Variants in SPICE1 observed in about 807,000 individuals in gnomAD.
SPICE1 encodes spindle and centriole associated protein 1.
Under a neutral mutation model 102.7 loss-of-function variants are expected in SPICE1, and 75 were observed. The ratio of observed to expected loss-of-function variants is 0.73; its 90% CI spans 0.61 to 0.88. The LOEUF is 0.88. Ranked by LOEUF, SPICE1 falls within the 40% of genes least tolerant of loss-of-function variation. The pLI is 0.00. For synonymous variants in SPICE1, 308 were observed against 350.3 expected (o/e 0.88, Z 1.35); for missense variants, 979 against 1,020.1 (o/e 0.96, Z 0.55).
chr3:113,505,224 C>T (rs1186891908), intron 2 of SPICE1, among the ~76,000 whole-genome samples: 1 of 152,104 alleles, frequency 6.6e-6, no homozygotes, highest in African/African-American at 2.4e-5. Flanking sequence ...CGTAAATGAA[C>T]CCGTGCAGCT....
rs999118160 is a variant in SPICE1 at position 113,443,566 on chromosome 3, A to G, written c.*1741T>C. The G allele has an allele frequency of 1.3e-5, 2 of 152,248 alleles. No individual in the cohort carries two copies. Among genetic ancestry groups the G allele is most frequent in the Non-Finnish European group, 2.9e-5 (2 of 68,040 alleles). 9.4% of individuals were successfully genotyped at this position (152,248 alleles called of 1,614,324 possible). A position where few individuals can be genotyped will look rare whatever the true frequency, so the allele number is the denominator to read the frequency against. ...TGAGATAATGGTGATACCACAGCTTATAGTACGGTGTCTGCCACAGTAATG... is the reference window on the plus strand; with the variant it reads ...TGAGATAATGGTGATACCACAGCTTGTAGTACGGTGTCTGCCACAGTAATG... On this transcript the variant is annotated 3_prime_UTR_variant, in exon 18 of 18. Transcript: ENST00000295872.
At chr3:113,467,882 T>C (rs1385917150) in intron 10 of SPICE1, among the ~76,000 whole-genome samples, 1 of 146,644 alleles carries the variant, frequency 6.8e-6, no homozygotes, top group Non-Finnish European at 1.6e-5. Flanking sequence ...ATTATATTAA[T>C]GGCAGATTTA....
chr3:113,476,832 C>A (rs1209047634), intron 7 of SPICE1, among the ~76,000 whole-genome samples: 1 of 149,798 alleles, frequency 6.7e-6, no homozygotes, highest in Non-Finnish European at 1.5e-5. Flanking sequence ...CATAAAAACC[C>A]TAGAAGAAAA....
At chr3:113,482,133 G>A (rs1323617032) in intron 7 of SPICE1, among the ~76,000 whole-genome samples, 1 of 152,184 alleles carries the variant, frequency 6.6e-6, no homozygotes, top group Non-Finnish European at 1.5e-5. Flanking sequence ...GTATCTCATT[G>A]TGGTTTTGAT....
chr3:113,448,136 T>G lies in SPICE1; in HGVS notation c.2328A>C (p.Gly776=). The stretch of plus-strand genomic sequence containing the variant: ...TAGATACCTCAATTGTCCTCTTTGC[T>G]CCTTCTAAAATATAAAAATAAATAT... ...VQLPLRAWTE[G]AKRTIEVSIP... Residue 776 remains glycine, a synonymous_variant, in exon 16 of 18, where the codon GGA becomes GGC. Coordinates refer to ENST00000295872, the MANE Select transcript of SPICE1 (RefSeq NM_144718.4). 6.2e-7 allele frequency: 1 copy of G among 1,600,834 alleles called. No homozygotes were observed. The highest frequency in any genetic ancestry group is 8.5e-7 in the Non-Finnish European group (1 of 1,174,170).
intron 10 of SPICE1, 132 bp from the exon 11 acceptor site, chr3:113,465,916 T>G (rs1936045435): frequency 1.3e-6 from 1 of 779,294 alleles, no homozygotes; most frequent in African/African-American, 1.8e-5. Flanking sequence ...TGAAGAGTTT[T>G]ATTAAAAGGT....
At chr3:113,493,073 A>G in intron 6 of SPICE1, 133 bp downstream of exon 6, 1 of 623,222 alleles carries the variant, frequency 1.6e-6, no homozygotes, top group Non-Finnish European at 2.7e-6. Context: ...AGTGCAATAC[A>G]CTTAAGAGCA....
intron 7 of SPICE1, among the ~76,000 whole-genome samples, chr3:113,480,803 G>A (rs995330111): frequency 5.3e-5 from 8 of 151,876 alleles, no homozygotes; most frequent in South Asian, 2.1e-4. Flanking sequence ...GTGAGAGGCT[G>A]AGGTGAGAGG....
At chr3:113,491,292 G>A (rs969258328) in intron 6 of SPICE1, among the ~76,000 whole-genome samples, 3 of 143,290 alleles carry the variant, frequency 2.1e-5, no homozygotes, top group Non-Finnish European at 4.6e-5. Flanking sequence ...CTTAAGTAAT[G>A]CAGTTACAAT....
At chr3:113,460,843 G>A (rs574890671) in intron 11 of SPICE1, 79 bp from the exon 12 acceptor site, 2 of 1,296,628 alleles carry the variant, frequency 1.5e-6, no homozygotes, top group Admixed American at 2.4e-5. Context: ...ACCACACAAA[G>A]GATACGTGTG....
chr3:113,449,687 G>A (rs1935599559), intron 15 of SPICE1: 1 of 152,282 alleles, frequency 6.6e-6, no homozygotes, highest in African/African-American at 2.4e-5. Flanking sequence ...ACTGGTACAT[G>A]GAGCTTTTTC....
chr3:113,478,955 A>G (rs1936425586), intron 7 of SPICE1, among the ~76,000 whole-genome samples: 1 of 152,008 alleles, frequency 6.6e-6, no homozygotes, highest in African/African-American at 2.4e-5. Flanking sequence ...TTTTTTTTAA[A>G]TCTTCTATTA....
intron 12 of SPICE1, among the ~76,000 whole-genome samples, chr3:113,459,152 C>G (rs922776892): frequency 1.3e-5 from 2 of 152,166 alleles, no homozygotes; most frequent in Non-Finnish European, 2.9e-5. Flanking sequence ...CGTGCTGTGT[C>G]CACTAAGGGT....
Position 113,450,414 on chromosome 3 carries a change from T to G in SPICE1, c.2245A>C (p.Ile749Leu), listed in dbSNP as rs531774888. The G allele has an allele frequency of 5.0e-6, 8 of 1,614,072 alleles. No homozygotes were observed. The East Asian group carries it at 1.8e-4, about 36-fold the overall frequency. The part of the protein sequence containing the change: ...MEARGKLLQL[I>L]EQQKLVGLNL... ...AAACCAACAAGTTTCTGCTGCTCTA[T>G]CAACTGCAGTAGTTTTCCACGAGCC... Residue 749 changes from isoleucine to leucine, a missense_variant, in exon 15 of 18, where the codon ATA becomes CTA. Ile to Leu is a conservative substitution (Grantham distance 5). Coordinates refer to ENST00000295872, the MANE Select transcript of SPICE1 (RefSeq NM_144718.4).
intron 3 of SPICE1, among the ~76,000 whole-genome samples, chr3:113,501,439 TC>T (rs1422757811): frequency 6.6e-6 from 1 of 151,918 alleles, no homozygotes; most frequent in Non-Finnish European, 1.5e-5. Flanking sequence ...ATTAAAAACT[TC>T]CCTGCTTAAA....
chr3:113,459,819 T>G (rs1051388313), intron 12 of SPICE1: 6 of 935,332 alleles, frequency 6.4e-6, no homozygotes, highest in Non-Finnish European at 7.6e-6. Flanking sequence ...AAGGCGGAGG[T>G]TGCAGTAAGC....
chr3:113,513,412 T>C (rs1937257555), intron 1 of SPICE1, among the ~76,000 whole-genome samples: 1 of 151,994 alleles, frequency 6.6e-6, no homozygotes, highest in South Asian at 2.1e-4. Context: ...CTCTGTCTCT[T>C]AAAATAAACA....
At position 113,443,126 on chromosome 3, in the gene SPICE1, G is replaced by A. The variant is rs1935426629; in HGVS notation, c.*2181C>T. 1 of 152,178 alleles carries A rather than the reference G, an allele frequency of 6.6e-6. No homozygotes were observed. The highest frequency in any genetic ancestry group is 6.5e-5 in the Admixed American group (1 of 15,282). The allele number at this position is 152,178 out of a possible 1,614,324, so 9.4% of individuals were successfully genotyped here. A position where few individuals can be genotyped will look rare whatever the true frequency, so the allele number is the denominator to read the frequency against. ...ATTTATATACCAAAAAAAATTGGCA[G>A]TGATCATTACTGAGTGTTGTGAGCC... On this transcript the variant is annotated 3_prime_UTR_variant, in exon 18 of 18. Transcript: ENST00000295872.
intron 3 of SPICE1, 40 bp from the exon 4 acceptor site, chr3:113,499,622 C>T (rs1936970557): frequency 6.6e-7 from 1 of 1,524,322 alleles, no homozygotes; most frequent in Admixed American, 2.1e-5. Context: ...ATGTTTCAGA[C>T]ACAAAGAAGT....
Sources: gnomAD v4.1 joint callset for allele counts (sites outside exome capture counted in the v4.1 genomes callset) on GRCh38, gnomAD v4.1.1 for gene constraint, MANE v1.5 for transcripts, NCBI Gene and HGNC (gene_info 2026-07-23, HGNC 2026-07-21) for gene names.